Variants in MIB1 observed in about 807,000 individuals in gnomAD.
The protein encoded by MIB1 is MIB E3 ubiquitin protein ligase 1.
Under a neutral mutation model 124.5 loss-of-function variants are expected in MIB1, and 278 were observed. That is an observed-to-expected ratio of 2.23 (90% CI 2.02 to 2.47). MIB1 has a LOEUF of 2.47. MIB1 is among the 30% of genes most tolerant of loss of function. MIB1 has a pLI of 0.00. For synonymous variants in MIB1, 446 were observed against 429.4 expected (o/e 1.04, Z -0.48); for missense variants, 957 against 1,254.4 (o/e 0.76, Z 3.58).
chr18:21,784,803 C>G (rs1194427248), intron 6 of MIB1, among the ~76,000 whole-genome samples: 1 of 152,062 alleles, frequency 6.6e-6, no homozygotes, highest in Non-Finnish European at 1.5e-5. Flanking sequence ...ACTTAGCAGA[C>G]CGGGAAAGGG....
chr18:21,844,881 T>C (rs2042122274), intron 15 of MIB1, among the ~76,000 whole-genome samples: 1 of 152,232 alleles, frequency 6.6e-6, no homozygotes, highest in South Asian at 2.1e-4. Context: ...CTCAAATCTT[T>C]TGTTCATTAT....
At chr18:21,807,614 A>G (rs1411797897) in intron 10 of MIB1, among the ~76,000 whole-genome samples, 3 of 152,202 alleles carry the variant, frequency 2.0e-5, no homozygotes, top group Non-Finnish European at 2.9e-5. Flanking sequence ...TTTAATTGTT[A>G]CAAGTGGGTG....
At chr18:21,805,229 T>A (rs2146461301) in intron 10 of MIB1, among the ~76,000 whole-genome samples, 1 of 152,148 alleles carries the variant, frequency 6.6e-6, no homozygotes, top group South Asian at 2.1e-4. Context: ...GCCGGGGTGG[T>A]CTCGAGCTCC....
At chr18:21,839,972 T>G (rs1353062363) in intron 13 of MIB1, among the ~76,000 whole-genome samples, 1 of 152,200 alleles carries the variant, frequency 6.6e-6, no homozygotes, top group Non-Finnish European at 1.5e-5. Flanking sequence ...GGAGGATTGC[T>G]TGAGCCCAGC....
intron 1 of MIB1, among the ~76,000 whole-genome samples, chr18:21,710,374 G>A (rs1003753683): frequency 2.0e-5 from 3 of 152,100 alleles, no homozygotes; most frequent in African/African-American, 4.8e-5. Flanking sequence ...GATTACAGGC[G>A]TGAGCCACTG....
chr18:21,744,686 A>C (rs1362351451), intron 1 of MIB1, among the ~76,000 whole-genome samples: 2 of 152,196 alleles, frequency 1.3e-5, no homozygotes, highest in African/African-American at 4.8e-5. Flanking sequence ...CTTTTTCATG[A>C]TTAAATTCAG....
At chr18:21,842,108 AAAAAAAAAAAG>A (rs1170450528) in intron 13 of MIB1, among the ~76,000 whole-genome samples, 3 of 147,656 alleles carry the variant, frequency 2.0e-5, no homozygotes, top group Admixed American at 6.8e-5. Context: ...AAAAAAAAAA[AAAAAAAAAAAG>A]AAGAAAAGAA....
chr18:21,813,021 C>G (rs1189009917), intron 10 of MIB1, among the ~76,000 whole-genome samples: 4 of 152,056 alleles, frequency 2.6e-5, no homozygotes, highest in Non-Finnish European at 1.5e-5. Context: ...TGTGTATTTT[C>G]CATAATTTAA....
At chr18:21,827,355 T>C (rs1293903038) in intron 12 of MIB1, 2 of 152,120 alleles carry the variant, frequency 1.3e-5, no homozygotes, top group Non-Finnish European at 2.9e-5. Context: ...CATTTTATTT[T>C]CTAAGGATTA....
intron 7 of MIB1, among the ~76,000 whole-genome samples, chr18:21,797,504 T>G (rs1452413812): frequency 1.3e-5 from 2 of 152,000 alleles, no homozygotes; most frequent in Non-Finnish European, 2.9e-5. Flanking sequence ...AAGGTGATAG[T>G]TGTCAAAGTG....
At chr18:21,757,724 G>A (rs920247247) in intron 1 of MIB1, among the ~76,000 whole-genome samples, 6 of 151,302 alleles carry the variant, frequency 4.0e-5, no homozygotes, top group African/African-American at 1.2e-4. Flanking sequence ...GACCTCAAGC[G>A]ATCCACCCAC....
intron 15 of MIB1, among the ~76,000 whole-genome samples, chr18:21,845,075 A>G (rs771643991): frequency 1.5e-4 from 23 of 152,002 alleles, no homozygotes; most frequent in Non-Finnish European, 2.9e-4. Context: ...CAGTGGCACA[A>G]TCTTGGCTCA....
At chr18:21,829,536 A>G (rs2041959348) in intron 12 of MIB1, 1 of 152,144 alleles carries the variant, frequency 6.6e-6, no homozygotes, top group African/African-American at 2.4e-5. Context: ...ATTAACCAAT[A>G]AGTATTTCTG....
intron 1 of MIB1, among the ~76,000 whole-genome samples, chr18:21,725,249 C>T (rs1437435702): frequency 1.3e-5 from 2 of 151,992 alleles, no homozygotes; most frequent in Middle Eastern, 3.4e-3. Flanking sequence ...CTTTTGGAGG[C>T]GCATTCTGTC....
chr18:21,744,229 A>G (rs921489560), intron 1 of MIB1, among the ~76,000 whole-genome samples: 23 of 151,464 alleles, frequency 1.5e-4, no homozygotes, highest in Non-Finnish European at 3.2e-4. Flanking sequence ...GTGTTCACTG[A>G]CATTTTATTA....
intron 12 of MIB1, among the ~76,000 whole-genome samples, chr18:21,833,572 A>G (rs2146494527): frequency 6.6e-6 from 1 of 152,318 alleles, no homozygotes; most frequent in South Asian, 2.1e-4. Flanking sequence ...TGCCTTAAGT[A>G]GTACTAACAT....
At chr18:21,708,466 C>G (rs2146350664) in intron 1 of MIB1, among the ~76,000 whole-genome samples, 1 of 152,182 alleles carries the variant, frequency 6.6e-6, no homozygotes, top group Middle Eastern at 3.4e-3. Context: ...CCAGCTTGAC[C>G]AACATCGTGA....
At chr18:21,808,837 G>C (rs1312935570) in intron 10 of MIB1, among the ~76,000 whole-genome samples, 1 of 151,968 alleles carries the variant, frequency 6.6e-6, no homozygotes, top group Non-Finnish European at 1.5e-5. Context: ...GATTTGGATG[G>C]GAGATGAGTT....
chr18:21,779,210 T>C (rs1598606292), intron 5 of MIB1, among the ~76,000 whole-genome samples: 2 of 152,228 alleles, frequency 1.3e-5, no homozygotes, highest in Non-Finnish European at 1.5e-5. Flanking sequence ...TGTGTTCTGA[T>C]ACAAGGTTGA....
Sources: allele counts gnomAD v4.1 joint callset (sites outside exome capture counted in the v4.1 genomes callset), GRCh38; gene constraint gnomAD v4.1.1; transcripts MANE v1.5; gene names NCBI Gene and HGNC (gene_info 2026-07-23, HGNC 2026-07-21).